The following WDHD1 variants were observed in gnomAD, a reference collection of about 807,000 sequenced individuals.
The protein encoded by WDHD1 is WD repeat and HMG-box DNA-binding protein 1.
WDHD1 carries 111 observed loss-of-function variants against 135.4 expected under a neutral mutation model. That is an observed-to-expected ratio of 0.82 (90% CI 0.70 to 0.96). WDHD1 has a LOEUF of 0.96. Ranked by LOEUF, WDHD1 falls within the 40% of genes least tolerant of loss-of-function variation. WDHD1 has a pLI of 0.00. For synonymous variants in WDHD1, 434 were observed against 439.0 expected (o/e 0.99, Z 0.14); for missense variants, 1,351 against 1,336.3 (o/e 1.01, Z -0.17).
rs1238310659 is a variant in WDHD1, at chr14:54,987,313, T to C, written c.1601A>G (p.Asp534Gly). ...EWIIDLPQNE[D>G]IEAICLGQGW... is the part of the protein sequence containing the mutation. Reference sequence around the variant, plus strand: ...TTGACCGAGACATATGGCTTCAATATCCTCATTCTGAGGCAAGTCTATTAT... The same window carrying C: ...TTGACCGAGACATATGGCTTCAATACCCTCATTCTGAGGCAAGTCTATTAT... The change falls in exon 14 of 26, where the codon GAT (aspartate) becomes GGT (glycine). Residue 534 changes from aspartate to glycine, a missense_variant. Coordinates refer to ENST00000360586, the MANE Select transcript of WDHD1 (RefSeq NM_007086.4). 2 of 1,613,964 alleles carry C rather than the reference T, an allele frequency of 1.2e-6. No individual in the cohort carries two copies. Among genetic ancestry groups the C allele is most frequent in the African/African-American group, 2.7e-5 (2 of 74,898 alleles).
chr14:55,022,864 C>A (rs1353148694), intron 2 of WDHD1, among the ~76,000 whole-genome samples: 1 of 140,738 alleles, frequency 7.1e-6, no homozygotes, highest in Non-Finnish European at 1.5e-5. Context: ...CGCTCTTGAT[C>A]CCCAGGCTGG....
rs1266333137 is a variant in WDHD1 at position 54,991,222 on chromosome 14, G to GT, written c.1331dup (p.His444GlnfsTer16). On this transcript the variant is annotated frameshift_variant, in exon 12 of 26. Coordinates refer to ENST00000360586, the MANE Select transcript of WDHD1 (RefSeq NM_007086.4). LOFTEE classifies it high-confidence loss of function. ...TAGATCCAAGTCTTACCATGAATCT[G>GT]TGAGTGAGATGCAACGGTGTAGAAC... is the stretch of plus-strand genomic sequence containing the variant. 6.7e-7 allele frequency: 1 copy of GT among 1,485,362 alleles called. No individual in the cohort carries two copies. The highest frequency in any genetic ancestry group is 9.1e-7 in the Non-Finnish European group (1 of 1,100,754). The allele number at this position is 1,485,362 out of a possible 1,614,324, so 92.0% of individuals were successfully genotyped here.
chr14:54,989,153 A>G lies in WDHD1; in HGVS notation c.1401T>C (p.Asp467=). ...CYNDEQDNAI[D]VEFHDTSIHH... Reference sequence around the variant, plus strand: ...GTATGGAGGTATCATGGAACTCCACATCTATGGCATTGTCTTGCTCATCAT... The same window carrying G: ...GTATGGAGGTATCATGGAACTCCACGTCTATGGCATTGTCTTGCTCATCAT... The change falls in exon 13 of 26, where the codon GAT becomes GAC. Residue 467 remains aspartate, a synonymous_variant. Transcript: ENST00000360586. 1 of 1,613,810 alleles carries G rather than the reference A, an allele frequency of 6.2e-7. No individual in the cohort carries two copies. Among genetic ancestry groups the G allele is most frequent in the Non-Finnish European group, 8.5e-7 (1 of 1,179,836 alleles).
chr14:55,019,110 T>A (rs2042304396), intron 2 of WDHD1, among the ~76,000 whole-genome samples: 2 of 152,224 alleles, frequency 1.3e-5, no homozygotes, highest in Admixed American at 1.3e-4. Flanking sequence ...CTACAGCTAA[T>A]TTTTTATGAG....
At chr14:55,003,141 G>A (rs2036051120) in intron 7 of WDHD1, among the ~76,000 whole-genome samples, 1 of 151,774 alleles carries the variant, frequency 6.6e-6, no homozygotes, top group African/African-American at 2.4e-5. Context: ...AGGTTTTTTT[G>A]TAAGCAAAGA....
intron 16 of WDHD1, among the ~76,000 whole-genome samples, chr14:54,979,817 C>T (rs2140187678): frequency 2.0e-5 from 3 of 152,250 alleles, no homozygotes; most frequent in Middle Eastern, 6.8e-3. Context: ...CCTTTTCATT[C>T]TTCTAGGAAT....
intron 18 of WDHD1, among the ~76,000 whole-genome samples, chr14:54,964,004 A>G (rs2041300284): frequency 6.6e-6 from 1 of 152,090 alleles, no homozygotes; most frequent in African/African-American, 2.4e-5. Context: ...TCTACTCAGG[A>G]GCCTGAGACA....
At chr14:54,947,807 G>A (rs2140149190) in intron 24 of WDHD1, among the ~76,000 whole-genome samples, 1 of 152,002 alleles carries the variant, frequency 6.6e-6, no homozygotes, top group Non-Finnish European at 1.5e-5. Flanking sequence ...GGCCAGGCTG[G>A]TCTCGAACTC....
intron 4 of WDHD1, 80 bp downstream of exon 4, chr14:55,010,229 C>A (rs1222975651): frequency 7.4e-7 from 1 of 1,344,422 alleles, no homozygotes; most frequent in African/African-American, 1.5e-5. Flanking sequence ...AGTCACGGTC[C>A]TGAAAACACT....
Position 55,010,313 on chromosome 14 carries a change from A to G in WDHD1, c.337T>C (p.Ser113Pro). ...NGDGTKIAAG[S>P]SDFLVKIVDV... ...TCTGATGTCAAAGAGCCTTACCTAG[A>G]TCCAGCAGCAATTTTAGTACCATCC... The change falls in exon 4 of 26, where the codon TCT becomes CCT. Residue 113 changes from serine (S) to proline (P), a missense_variant. By Grantham distance (74) the Ser-to-Pro change is moderately conservative. Transcript: ENST00000360586. 3.1e-6 allele frequency: 5 copies of G among 1,599,154 alleles called. No individual in the cohort carries two copies. Among genetic ancestry groups the G allele is most frequent in the Non-Finnish European group, 3.4e-6 (4 of 1,174,714 alleles).
chr14:54,989,823 C>T (rs1364826024), intron 12 of WDHD1, among the ~76,000 whole-genome samples: 1 of 152,096 alleles, frequency 6.6e-6, no homozygotes, highest in Non-Finnish European at 1.5e-5. Flanking sequence ...CCAGGTCCAG[C>T]TAATTTCTGT....
At chr14:55,001,984 C>G (rs1466973812) in intron 8 of WDHD1, 109 bp downstream of exon 8, 1 of 753,782 alleles carries the variant, frequency 1.3e-6, no homozygotes, top group East Asian at 2.6e-5. Flanking sequence ...CATACAACAG[C>G]CAGGAGTTGT....
rs77561506 is a variant in WDHD1 at position 54,957,017 on chromosome 14, G to A, written c.2916+17C>T. 49,250 of 1,610,176 alleles carry A rather than the reference G, an allele frequency of 0.031. 908 individuals are homozygous for A. Among genetic ancestry groups the A allele is most frequent in the Non-Finnish European group, 0.035 (41,625 of 1,177,858 alleles). On this transcript the variant is annotated intron_variant, in intron 23 of 25. Transcript: ENST00000360586. ...TCCCATGCTGCTTACTGCAGATGAG[G>A]GTAGCTGAAACAGTACCTGCTTAGG...
At chr14:54,987,563 T>C (rs550388372) in intron 13 of WDHD1, among the ~76,000 whole-genome samples, 176 bp from the exon 14 acceptor site, 2 of 152,296 alleles carry the variant, frequency 1.3e-5, no homozygotes, top group South Asian at 4.1e-4. Context: ...ATGAACTATA[T>C]TGATATCTTT....
intron 4 of WDHD1, among the ~76,000 whole-genome samples, chr14:55,009,569 T>A (rs1313548645): frequency 2.6e-5 from 4 of 151,900 alleles, no homozygotes; most frequent in African/African-American, 9.7e-5. Context: ...GTAGCCGGGA[T>A]TATAGGCACC....
chr14:54,989,010 T>C lies in WDHD1; in HGVS notation c.1526+18A>G. 1 of 1,599,282 alleles carries C rather than the reference T, an allele frequency of 6.3e-7. No homozygotes were observed. The highest frequency in any genetic ancestry group is 8.5e-7 in the Non-Finnish European group (1 of 1,170,870). ...CAGTTCAACAGTGCCAAATTCTTCCTAATAATCTTGAGTTTACCTTGCTAG... is the reference window on the plus strand; with the variant it reads ...CAGTTCAACAGTGCCAAATTCTTCCCAATAATCTTGAGTTTACCTTGCTAG... On this transcript the variant is annotated intron_variant, in intron 13 of 25. Coordinates refer to ENST00000360586, the MANE Select transcript of WDHD1 (RefSeq NM_007086.4).
chr14:54,992,384 G>A (rs1255452962), intron 11 of WDHD1, among the ~76,000 whole-genome samples: 4 of 152,182 alleles, frequency 2.6e-5, no homozygotes, highest in Non-Finnish European at 5.9e-5. Flanking sequence ...CAGCTACTCA[G>A]GAGGCTGAGG....
chr14:54,982,704 A>G (rs1171359579), intron 15 of WDHD1, among the ~76,000 whole-genome samples: 2 of 152,220 alleles, frequency 1.3e-5, no homozygotes, highest in African/African-American at 4.8e-5. Context: ...GAAGTTATCA[A>G]TGGTTCATAT....
chr14:55,010,411 G>A lies in WDHD1; in HGVS notation c.239C>T (p.Thr80Ile), dbSNP rs1330438497. 8 of 1,612,874 alleles carry A rather than the reference G, an allele frequency of 5.0e-6. No homozygotes were observed. In the African/African-American group the frequency reaches 6.7e-5, roughly 13 times the overall value. ...AVSNNTIQVH[T>I]FPEGVPDGIL... ...ACCATCTGGAACTCCTTCAGGAAAT[G>A]TGTGGACTTGAATAGTATTATTAGA... The change falls in exon 4 of 26, where the codon ACA becomes ATA. Residue 80 changes from threonine (T) to isoleucine (I), a missense_variant. Thr to Ile is a moderately conservative substitution (Grantham distance 89, BLOSUM62 -1). Transcript: ENST00000360586.
Sources: gnomAD v4.1 joint callset for allele counts (sites outside exome capture counted in the v4.1 genomes callset) on GRCh38, gnomAD v4.1.1 for gene constraint, MANE v1.5 for transcripts, NCBI Gene and HGNC (gene_info 2026-07-23, HGNC 2026-07-21) for gene names.